RNF17: variants seen among roughly 807,000 people sequenced by gnomAD.
The protein encoded by RNF17 is spermatogenesis associated 23.
Under a neutral mutation model 200.5 loss-of-function variants are expected in RNF17, and 31 were observed. That is an observed-to-expected ratio of 0.15 (90% CI 0.12 to 0.21). The LOEUF (loss-of-function observed/expected upper bound fraction) is 0.21, where lower values mean the gene tolerates loss of function less well. RNF17 is among the 10% of genes least tolerant of loss of function. The pLI is 1.00. For synonymous variants in RNF17, 606 were observed against 637.8 expected, an observed-to-expected ratio of 0.95 and a Z score of 0.75; for missense variants, 1,628 against 1,905.1, an observed-to-expected ratio of 0.85 and a Z score of 2.71.
At chr13:24,804,735 C>G (rs1333190858) in intron 15 of RNF17, among the ~76,000 whole-genome samples, 1 of 152,070 alleles carries the variant, frequency 6.6e-6, no homozygotes, top group Non-Finnish European at 1.5e-5. Flanking sequence ...TTTTTCTAAC[C>G]TGTACCTCTG....
chr13:24,816,040 GCA>G (rs1484580936), intron 15 of RNF17, among the ~76,000 whole-genome samples: 2 of 152,066 alleles, frequency 1.3e-5, no homozygotes, highest in African/African-American at 4.8e-5. Flanking sequence ...GACCAAAGGT[GCA>G]CACCACCACA....
chr13:24,884,194 G>C, downstream of RNF17: 1 of 1,614,196 alleles, frequency 6.2e-7, no homozygotes, highest in Non-Finnish European at 8.5e-7. Context: ...AAGACTTCCA[G>C]TCCCTCCGGG....
chr13:24,792,967 A>C, intron 9 of RNF17, 75 bp from the exon 10 acceptor site: 1 of 966,632 alleles, frequency 1.0e-6, no homozygotes, highest in African/African-American at 1.6e-5. Flanking sequence ...CCATGGTGGG[A>C]GTTTCTAGTG....
the RNF17 span, among the ~76,000 whole-genome samples, chr13:24,885,096 T>TGGAGTAAGAACAAAGATCATA: frequency 6.6e-6 from 1 of 152,238 alleles, no homozygotes; most frequent in Non-Finnish European, 1.5e-5. Flanking sequence ...ACAAAGGCTT[T>TGGAGTAAGAACAAAGATCATA]GGAGTAAGAA....
At chr13:24,883,211 T>C (rs765976013), downstream of RNF17, 2 of 1,613,986 alleles carry the variant, frequency 1.2e-6, no homozygotes, top group Admixed American at 1.7e-5. Flanking sequence ...ATTACCCTCC[T>C]TGTCCTTAAC....
chr13:24,791,099 C>T (rs1250222722), intron 9 of RNF17, among the ~76,000 whole-genome samples: 4 of 152,116 alleles, frequency 2.6e-5, no homozygotes, highest in Admixed American at 2.6e-4. Flanking sequence ...AGGTTTTAAG[C>T]ATGAAAGTAA....
intron 19 of RNF17, among the ~76,000 whole-genome samples, chr13:24,842,984 CTAAAAAA>C (rs1002903112): frequency 6.8e-6 from 1 of 147,584 alleles, no homozygotes; most frequent in African/African-American, 2.5e-5. Flanking sequence ...AAGACTCTGT[CTAAAAAA>C]AAAAAAAGAA....
chr13:24,785,581 T>C (rs955970538), intron 6 of RNF17, among the ~76,000 whole-genome samples: 25 of 152,234 alleles, frequency 1.6e-4, no homozygotes, highest in African/African-American at 5.8e-4. Context: ...TTGTTGGGTA[T>C]AGTGTTCTAA....
intron 18 of RNF17, among the ~76,000 whole-genome samples, chr13:24,833,312 T>C (rs1889628347): frequency 6.6e-6 from 1 of 152,234 alleles, no homozygotes; most frequent in Non-Finnish European, 1.5e-5. Flanking sequence ...TCTGATAATT[T>C]ATTTACTTCA....
At chr13:24,806,997 C>T (rs1885969279) in intron 15 of RNF17, among the ~76,000 whole-genome samples, 1 of 151,802 alleles carries the variant, frequency 6.6e-6, no homozygotes. Context: ...TTTATGGCTG[C>T]ATAGTATTCC....
downstream of RNF17, among the ~76,000 whole-genome samples, chr13:24,881,867 GATA>G (rs1566272568): frequency 3.8e-5 from 4 of 105,234 alleles, no homozygotes; most frequent in African/African-American, 6.6e-5. Flanking sequence ...TAGATATATA[GATA>G]CATCTATATA....
At chr13:24,832,291 C>T (rs530364797) in intron 18 of RNF17, among the ~76,000 whole-genome samples, 16 of 152,244 alleles carry the variant, frequency 1.1e-4, no homozygotes, top group African/African-American at 1.9e-4. Context: ...TGGATGCTAA[C>T]GTTTAATTTC....
At chr13:24,840,423 A>T (rs1476903627) in intron 18 of RNF17, among the ~76,000 whole-genome samples, 2 of 152,222 alleles carry the variant, frequency 1.3e-5, no homozygotes, top group Non-Finnish European at 2.9e-5. Flanking sequence ...ACACTTGCAC[A>T]CGCATGTTTA....
At chr13:24,772,426 ATTTTTTTT>A (rs34066913) in intron 2 of RNF17, among the ~76,000 whole-genome samples, 3 of 106,020 alleles carry the variant, frequency 2.8e-5, no homozygotes, top group Admixed American at 1.0e-4. Flanking sequence ...TTGAGTCTCC[ATTTTTTTT>A]TTTTTTTTTT....
chr13:24,793,693 T>A (rs1374275032), intron 10 of RNF17, among the ~76,000 whole-genome samples: 2 of 152,244 alleles, frequency 1.3e-5, no homozygotes, highest in Non-Finnish European at 2.9e-5. Flanking sequence ...TTTCTTTGAA[T>A]TAAGAACATC....
At chr13:24,784,433 A>G (rs546751037) in intron 6 of RNF17, among the ~76,000 whole-genome samples, 21 of 152,268 alleles carry the variant, frequency 1.4e-4, no homozygotes, top group African/African-American at 4.8e-4. Flanking sequence ...TGATTATTAC[A>G]TGTTTGGTTC....
At chr13:24,804,778 A>T (rs1158574271) in intron 15 of RNF17, among the ~76,000 whole-genome samples, 1 of 152,170 alleles carries the variant, frequency 6.6e-6, no homozygotes, top group African/African-American at 2.4e-5. Context: ...GTGTTTTCTG[A>T]ATTTGAACAC....
chr13:24,844,644 C>G lies in RNF17; in HGVS notation c.2832-8C>G. 6.4e-7 allele frequency: 1 copy of G among 1,557,012 alleles called. No homozygotes were observed. Among genetic ancestry groups the G allele is most frequent in the Non-Finnish European group, 8.8e-7 (1 of 1,141,520 alleles). On this transcript the variant is annotated splice_region_variant and splice_polypyrimidine_tract_variant and intron_variant, in intron 20 of 35. Transcript: ENST00000255324. The stretch of plus-strand genomic sequence containing the variant: ...GTTTGGAAAGTTAAATATTTTTTAT[C>G]TCTATAGTTTAGAAGAAAAGATGAT...
chr13:24,788,342 T>C (rs2137614971), intron 7 of RNF17, among the ~76,000 whole-genome samples, 183 bp downstream of exon 7: 1 of 152,324 alleles, frequency 6.6e-6, no homozygotes, highest in South Asian at 2.1e-4. Context: ...GTATGAAATC[T>C]AAGACAAACA....
Sources: gnomAD v4.1 joint callset for allele counts (sites outside exome capture counted in the v4.1 genomes callset) on GRCh38, gnomAD v4.1.1 for gene constraint, MANE v1.5 for transcripts, NCBI Gene and HGNC (gene_info 2026-07-23, HGNC 2026-07-21) for gene names.